Variants in LRMDA observed in about 807,000 individuals in gnomAD.
LRMDA encodes the protein leucine-rich melanocyte differentiation-associated protein.
In LRMDA, 18 loss-of-function variants were observed where a neutral mutation model predicts 29.8. The ratio of observed to expected loss-of-function variants is 0.60; its 90% CI spans 0.42 to 0.90. The LOEUF (loss-of-function observed/expected upper bound fraction) is 0.90, where lower values mean the gene tolerates loss of function less well. LRMDA is among the 40% of genes least tolerant of loss of function. The pLI is 0.00. For synonymous variants in LRMDA, 125 were observed against 109.4 expected, an observed-to-expected ratio of 1.14 and a Z score of -0.89; for missense variants, 273 against 273.9, an observed-to-expected ratio of 1.00 and a Z score of 0.02.
intron 2 of LRMDA, among the ~76,000 whole-genome samples, chr10:75,873,480 T>C (rs1845146415): frequency 6.6e-6 from 1 of 152,214 alleles, no homozygotes; most frequent in African/African-American, 2.4e-5. Flanking sequence ...TAATGAAAAG[T>C]ATGAAGTCAA....
chr10:75,618,305 A>G (rs1203163326), intron 2 of LRMDA, among the ~76,000 whole-genome samples: 5 of 146,060 alleles, frequency 3.4e-5, no homozygotes, highest in African/African-American at 1.3e-4. Context: ...TTCTTTTCTT[A>G]CTTTTTTCCT....
chr10:75,787,374 C>T (rs763287358), intron 2 of LRMDA, among the ~76,000 whole-genome samples: 130 of 152,192 alleles, frequency 8.5e-4, no homozygotes, highest in Non-Finnish European at 1.6e-3. Flanking sequence ...CACGTTTCAT[C>T]AGTGAAACGG....
At chr10:75,495,285 G>T (rs1020944224) in intron 2 of LRMDA, among the ~76,000 whole-genome samples, 3 of 150,996 alleles carry the variant, frequency 2.0e-5, no homozygotes, top group Non-Finnish European at 4.4e-5. Context: ...AGCTGTAGTT[G>T]AAATGCCCCT....
intron 2 of LRMDA, among the ~76,000 whole-genome samples, chr10:76,007,877 A>G (rs527755614): frequency 6.6e-6 from 1 of 152,346 alleles, no homozygotes; most frequent in African/African-American, 2.4e-5. Flanking sequence ...ACCAATGGTC[A>G]TGATGGATCT....
chr10:76,372,443 T>C (rs1414895925), intron 6 of LRMDA, among the ~76,000 whole-genome samples: 1 of 151,764 alleles, frequency 6.6e-6, no homozygotes, highest in Non-Finnish European at 1.5e-5. Context: ...TGAAACCCCA[T>C]CTCTACTAAA....
intron 6 of LRMDA, among the ~76,000 whole-genome samples, chr10:76,519,947 G>A (rs975869531): frequency 1.3e-5 from 2 of 151,936 alleles, no homozygotes; most frequent in African/African-American, 2.4e-5. Context: ...ACTTTTTTAT[G>A]GTGTTTTACC....
chr10:76,212,940 C>T lies in LRMDA; in HGVS notation c.517-111461C>T, dbSNP rs574036917. Among the ~76,000 whole-genome samples the T allele has an allele frequency of 1.1e-4, 17 of 152,330 alleles. No homozygotes were observed. In the South Asian group the frequency reaches 3.5e-3, roughly 32 times the overall value. On this transcript the variant is annotated intron_variant, in intron 5 of 6. Coordinates refer to ENST00000611255, the MANE Select transcript of LRMDA (RefSeq NM_001305581.2). ...AGTCCCTTTTGTGCACCATTGCTGA[C>T]TGTTCCAAGGCCACACATCTGACTT...
At position 75,605,521 on chromosome 10, in the gene LRMDA, A is replaced by C. The variant is rs115722000; in HGVS notation, c.131+167027A>C. 4.9e-3 allele frequency among the ~76,000 whole-genome samples: 742 copies of C among 152,362 alleles called. 5 individuals carry two copies. Among genetic ancestry groups the C allele is most frequent in the African/African-American group, 0.017 (709 of 41,586 alleles). ...AGGACAAGAAAAAGAGAAGTTAAACATATTGAAAGGCCACTGATGGAACAC... is the reference window on the plus strand; with the variant it reads ...AGGACAAGAAAAAGAGAAGTTAAACCTATTGAAAGGCCACTGATGGAACAC... On this transcript the variant is annotated intron_variant, in intron 2 of 6. Coordinates refer to ENST00000611255, the MANE Select transcript of LRMDA (RefSeq NM_001305581.2).
At chr10:76,008,782 C>T (rs948292242) in intron 2 of LRMDA, among the ~76,000 whole-genome samples, 1 of 152,236 alleles carries the variant, frequency 6.6e-6, no homozygotes, top group African/African-American at 2.4e-5. Context: ...AAGCACTGCC[C>T]ATGTGAGCCT....
intron 6 of LRMDA, among the ~76,000 whole-genome samples, chr10:76,371,052 C>T (rs901265481): frequency 3.3e-5 from 5 of 152,130 alleles, no homozygotes; most frequent in South Asian, 2.1e-4. Flanking sequence ...ATCAACTGGT[C>T]GCACATTCCA....
intron 3 of LRMDA, among the ~76,000 whole-genome samples, chr10:76,046,140 C>T (rs2068765): frequency 0.068 from 3,150 of 46,312 alleles, 124 homozygotes; most frequent in African/African-American, 0.2. Context: ...CTTGGTTAAC[C>T]CTCTCTCATA....
chr10:76,081,778 C>T lies in LRMDA; in HGVS notation c.516+22995C>T, dbSNP rs1849053005. 2.0e-5 allele frequency among the ~76,000 whole-genome samples: 3 copies of T among 152,094 alleles called. 1 individual carries two copies. In the South Asian group the frequency reaches 6.2e-4, roughly 32 times the overall value. On this transcript the variant is annotated intron_variant, in intron 5 of 6. Transcript: ENST00000611255. Reference sequence around the variant, plus strand: ...CATGTATATAAAATGTGTGTATGTACACACATACATGCTTACCAGATGAGC... The same window carrying T: ...CATGTATATAAAATGTGTGTATGTATACACATACATGCTTACCAGATGAGC...
At chr10:76,319,999 C>T (rs141803220) in intron 5 of LRMDA, among the ~76,000 whole-genome samples, 41 of 152,314 alleles carry the variant, frequency 2.7e-4, no homozygotes, top group South Asian at 1.7e-3. Context: ...TCTTTCAGTG[C>T]ATCCAGGACA....
intron 2 of LRMDA, among the ~76,000 whole-genome samples, chr10:75,820,821 T>C (rs941606956): frequency 6.6e-6 from 1 of 152,038 alleles, no homozygotes; most frequent in South Asian, 2.1e-4. Flanking sequence ...TCAGAAAAGT[T>C]AAAGGTGTCA....
At chr10:76,157,963 G>A (rs561719747) in intron 5 of LRMDA, among the ~76,000 whole-genome samples, 1 of 144,708 alleles carries the variant, frequency 6.9e-6, no homozygotes, top group South Asian at 2.3e-4. Flanking sequence ...ACAATGGTAA[G>A]TATTTGTGTA....
chr10:75,650,884 A>G (rs1421281976), intron 2 of LRMDA, among the ~76,000 whole-genome samples: 1 of 152,158 alleles, frequency 6.6e-6, no homozygotes, highest in Non-Finnish European at 1.5e-5. Context: ...GTGGGCAAAC[A>G]GGGCCAGAGA....
At chr10:75,916,193 T>TGTGTGTGG (rs72087365) in intron 2 of LRMDA, among the ~76,000 whole-genome samples, 1,773 of 140,050 alleles carry the variant, frequency 0.013, 25 homozygotes, top group African/African-American at 0.035. Context: ...TGTGTGTGTG[T>TGTGTGTGG]GTGGGTGGGT....
At chr10:76,386,620 ATAT>A (rs1244133690) in intron 6 of LRMDA, among the ~76,000 whole-genome samples, 1 of 152,154 alleles carries the variant, frequency 6.6e-6, no homozygotes, top group Non-Finnish European at 1.5e-5. Context: ...ATCACACCCC[ATAT>A]TTGAGTTTTA....
At chr10:76,145,300 G>A (rs565504815) in intron 5 of LRMDA, among the ~76,000 whole-genome samples, 2 of 152,258 alleles carry the variant, frequency 1.3e-5, no homozygotes, top group Admixed American at 1.3e-4. Flanking sequence ...GTAGAATTTG[G>A]CTGTGAATCC....
Sources: gnomAD v4.1 joint callset for allele counts (sites outside exome capture counted in the v4.1 genomes callset) on GRCh38, gnomAD v4.1.1 for gene constraint, MANE v1.5 for transcripts, NCBI Gene and HGNC (gene_info 2026-07-23, HGNC 2026-07-21) for gene names.